CLMP: variants seen among roughly 807,000 people sequenced by gnomAD.
CLMP encodes the protein CXADR like cell adhesion molecule.
Under a neutral mutation model 45.2 loss-of-function variants are expected in CLMP, and 27 were observed. The ratio of observed to expected loss-of-function variants is 0.60; its 90% CI spans 0.44 to 0.82. CLMP has a LOEUF of 0.82. Ranked by LOEUF, CLMP falls within the 40% of genes least tolerant of loss-of-function variation. The pLI is 0.00. For missense variants in CLMP, 403 were observed against 448.4 expected (o/e 0.90, Z 0.91); for synonymous variants, 167 against 171.4 (o/e 0.97, Z 0.20).
intron 1 of CLMP, among the ~76,000 whole-genome samples, chr11:123,121,147 G>A (rs75151842): frequency 7.3e-5 from 10 of 137,878 alleles, no homozygotes; most frequent in Non-Finnish European, 1.4e-4. Context: ...AAAAAAAAAA[G>A]CTGTTTGGAT....
intron 1 of CLMP, among the ~76,000 whole-genome samples, chr11:123,109,929 T>C (rs1445536339): frequency 6.6e-6 from 1 of 151,778 alleles, no homozygotes; most frequent in Non-Finnish European, 1.5e-5. Context: ...GACCGGCAAA[T>C]GATAGGGTGA....
At chr11:123,079,923 C>T (rs1199962850) in intron 5 of CLMP, among the ~76,000 whole-genome samples, 2 of 152,152 alleles carry the variant, frequency 1.3e-5, no homozygotes, top group Admixed American at 6.5e-5. Context: ...CTTCGTAGCT[C>T]GATGTCAAAT....
intron 6 of CLMP, 141 bp downstream of exon 6, chr11:123,074,561 G>T: frequency 1.2e-6 from 1 of 815,656 alleles, no homozygotes; most frequent in Non-Finnish European, 2.0e-6. Flanking sequence ...CTGTCCCTAG[G>T]CTGGAACTTC....
intron 1 of CLMP, among the ~76,000 whole-genome samples, chr11:123,131,543 G>T (rs1005064659): frequency 2.0e-5 from 3 of 152,112 alleles, no homozygotes; most frequent in Non-Finnish European, 2.9e-5. Flanking sequence ...GTGGAGGATG[G>T]TTACTTGAGT....
intron 1 of CLMP, among the ~76,000 whole-genome samples, chr11:123,150,491 G>T (rs1400486434): frequency 8.7e-6 from 1 of 115,170 alleles, no homozygotes; most frequent in Non-Finnish European, 1.8e-5. Flanking sequence ...AAGGAAGGAA[G>T]GAAGGAAGGA....
chr11:123,076,394 G>A (rs139688719), intron 5 of CLMP, among the ~76,000 whole-genome samples: 1 of 152,212 alleles, frequency 6.6e-6, no homozygotes, highest in African/African-American at 2.4e-5. Flanking sequence ...TGCTTTTGTT[G>A]AGTTTTCATT....
Position 123,074,748 on chromosome 11 carries a change from T to C in CLMP, c.775A>G (p.Lys259Glu), listed in dbSNP as rs1455243843. Reference sequence around the variant, plus strand: ...TCTTCCTCATATCTTTCTTTGTCTTTCCTTCGGATTAGCAGCCACACCAAG... The same window carrying C: ...TCTTCCTCATATCTTTCTTTGTCTTCCCTTCGGATTAGCAGCCACACCAAG... ...FLLVWLLIRR[K>E]DKERYEEEER... is the part of the protein sequence containing the mutation. Residue 259 changes from lysine (K) to glutamate (E), a missense_variant, in exon 6 of 7, where the codon AAA (lysine) becomes GAA (glutamate). Physicochemically the swap from Lys to Glu is moderately conservative, Grantham distance 56 (BLOSUM62 1). Coordinates refer to ENST00000448775, the MANE Select transcript of CLMP (RefSeq NM_024769.5). 1 of 1,614,178 alleles carries C rather than the reference T, an allele frequency of 6.2e-7. No individual in the cohort carries two copies. The highest frequency in any genetic ancestry group is 1.7e-5 in the Admixed American group (1 of 60,006).
chr11:123,092,907 CTTT>C (rs201940583), intron 2 of CLMP, among the ~76,000 whole-genome samples: 4 of 128,222 alleles, frequency 3.1e-5, no homozygotes, highest in Non-Finnish European at 3.2e-5. Context: ...CTGACACACA[CTTT>C]TTTTTTTTTT....
At chr11:123,143,307 CT>C (rs1861191176) in intron 1 of CLMP, among the ~76,000 whole-genome samples, 2 of 152,050 alleles carry the variant, frequency 1.3e-5, no homozygotes, top group East Asian at 3.9e-4. Flanking sequence ...GTCCCCGACC[CT>C]CACTTTCAAC....
At chr11:123,141,643 A>C (rs1861160808) in intron 1 of CLMP, among the ~76,000 whole-genome samples, 1 of 152,184 alleles carries the variant, frequency 6.6e-6, no homozygotes, top group Non-Finnish European at 1.5e-5. Flanking sequence ...TCTCTTCCTA[A>C]GCCCAAATCA....
intron 1 of CLMP, among the ~76,000 whole-genome samples, chr11:123,099,144 T>C (rs1014979913): frequency 2.6e-5 from 4 of 152,304 alleles, no homozygotes; most frequent in Admixed American, 2.6e-4. Context: ...AACTGTGTTT[T>C]TGATCTTTCT....
intron 1 of CLMP, among the ~76,000 whole-genome samples, 186 bp downstream of exon 1, chr11:123,194,727 T>A (rs1203469686): frequency 6.6e-6 from 1 of 152,082 alleles, no homozygotes; most frequent in Non-Finnish European, 1.5e-5. Flanking sequence ...TGCGAGACAA[T>A]CTCGATGGCC....
chr11:123,098,233 CT>C lies in CLMP; in HGVS notation c.29-282del, dbSNP rs375172992. ...TGAACAATGAAATTGCTCATGTTAA[CT>C]TTTTTTTTTTGAGATGGAGTTTTGC... On this transcript the variant is annotated intron_variant, in intron 1 of 6. Coordinates refer to ENST00000448775, the MANE Select transcript of CLMP (RefSeq NM_024769.5). 3.3e-3 allele frequency among the ~76,000 whole-genome samples: 494 copies of C among 148,048 alleles called. 2 individuals are homozygous for C. The highest frequency in any genetic ancestry group is 0.011 in the African/African-American group (452 of 40,620).
intron 3 of CLMP, 97 bp from the exon 4 acceptor site, chr11:123,083,944 G>T: frequency 7.0e-7 from 1 of 1,427,510 alleles, no homozygotes; most frequent in Non-Finnish European, 9.6e-7. Context: ...TGCTTCTCCA[G>T]CCATCTGTTT....
chr11:123,140,297 T>G (rs1192687331), intron 1 of CLMP, among the ~76,000 whole-genome samples: 1 of 152,088 alleles, frequency 6.6e-6, no homozygotes, highest in East Asian at 1.9e-4. Context: ...TATCTTTGGT[T>G]GTATAGTAGG....
chr11:123,127,085 A>G (rs1461823704), intron 1 of CLMP, among the ~76,000 whole-genome samples: 1 of 152,070 alleles, frequency 6.6e-6, no homozygotes, highest in Non-Finnish European at 1.5e-5. Flanking sequence ...AACTATGAAC[A>G]TATAATTCCA....
At chr11:123,140,185 T>C (rs193148522) in intron 1 of CLMP, among the ~76,000 whole-genome samples, 28 of 152,258 alleles carry the variant, frequency 1.8e-4, no homozygotes, top group African/African-American at 6.5e-4. Flanking sequence ...GATGCGGTGT[T>C]GATGGGGTTG....
chr11:123,194,763 T>C (rs1042568871), intron 1 of CLMP, 150 bp downstream of exon 1: 5 of 922,492 alleles, frequency 5.4e-6, no homozygotes. Flanking sequence ...GGTTGCCAGA[T>C]GTGCTCCTCC....
intron 1 of CLMP, among the ~76,000 whole-genome samples, chr11:123,171,696 G>A (rs916689303): frequency 1.3e-5 from 2 of 151,944 alleles, no homozygotes; most frequent in African/African-American, 2.4e-5. Context: ...CGCCTTCCTC[G>A]GTCTCCCAAA....
Sources: allele counts gnomAD v4.1 joint callset (sites outside exome capture counted in the v4.1 genomes callset), GRCh38; gene constraint gnomAD v4.1.1; transcripts MANE v1.5; gene names NCBI Gene and HGNC (gene_info 2026-07-23, HGNC 2026-07-21).